Variants in UPF3B observed in about 807,000 individuals in gnomAD.
UPF3B encodes UPF3B regulator of nonsense mediated mRNA decay, also known as regulator of nonsense transcripts 3B.
Under a neutral mutation model 40.3 loss-of-function variants are expected in UPF3B, and 7 were observed. That is an observed-to-expected ratio of 0.17 (90% CI 0.10 to 0.33). The LOEUF (loss-of-function observed/expected upper bound fraction) is 0.33. UPF3B is among the 10% of genes least tolerant of loss of function. The pLI, the probability that UPF3B is intolerant of heterozygous loss-of-function variation, is 1.00. For synonymous variants in UPF3B, 117 were observed against 117.3 expected (o/e 1.00, Z 0.01); for missense variants, 229 against 358.9 (o/e 0.64, Z 2.93).
intron 10 of UPF3B, among the ~76,000 whole-genome samples, chrX:119,836,364 A>AT (rs1369612265): frequency 5.4e-5 from 6 of 111,702 alleles, no homozygotes; most frequent in Admixed American, 9.6e-5. Context: ...CAAAAAATAA[A>AT]TAATTAATTA....
intron 10 of UPF3B, among the ~76,000 whole-genome samples, chrX:119,836,677 G>A (rs1185565374): frequency 8.5e-5 from 9 of 106,094 alleles, no homozygotes; most frequent in African/African-American, 3.1e-4. Flanking sequence ...TTGAGACAGA[G>A]TCTCGCTCTG....
At chrX:119,833,939 TAGA>T, downstream of UPF3B, 1 of 633,087 alleles carries the variant, frequency 1.6e-6, no homozygotes, top group African/African-American at 2.4e-5. Context: ...TAGGCTTCAC[TAGA>T]AGGTGAGTGA....
At chrX:119,851,695 G>A in intron 2 of UPF3B, 72 bp downstream of exon 2, 1 of 944,107 alleles carries the variant, frequency 1.1e-6, no homozygotes, top group South Asian at 2.2e-5. Flanking sequence ...AAAATCAAAT[G>A]AAAAACAGTA....
In UPF3B at chrX:119,837,824, G is replaced by A. The variant is rs780652469; in HGVS notation, c.1235C>T (p.Ser412Leu). Residue 412 changes from serine (S) to leucine (L), a missense_variant, in exon 10 of 11, where the codon TCA becomes TTA. Ser to Leu is a moderately radical substitution (Grantham distance 145). This residue lies in a region of UPF3B where 119 missense variants were observed against 153.8 expected (regional missense o/e 0.77). Coordinates refer to ENST00000276201, the MANE Select transcript of UPF3B (RefSeq NM_080632.3). ...TTCAGTTTTTTCTGAGCTGCCTATT[G>A]ATTCTGTACTTTCAGCCTTCTTTCC... The part of the protein sequence containing the change: ...DKGKKAESTE[S>L]IGSSEKTEKK... 27 of 1,209,891 alleles carry A rather than the reference G, an allele frequency of 2.2e-5. 2 individuals carry two copies. In the Middle Eastern group the frequency reaches 1.9e-3, roughly 84 times the overall value.
At chrX:119,810,506 T>C (rs903458283) in intron 5 of UPF3B, among the ~76,000 whole-genome samples, 2 of 112,135 alleles carry the variant, frequency 1.8e-5, no homozygotes, top group South Asian at 7.3e-4. Context: ...GCAAAGGTCA[T>C]GGAAATAGTT....
downstream of UPF3B, among the ~76,000 whole-genome samples, chrX:119,829,145 C>T (rs948626916): frequency 1.8e-5 from 2 of 112,056 alleles, no homozygotes; most frequent in Admixed American, 1.9e-4. Flanking sequence ...CCTCAGCCTC[C>T]TGAGTAGCTG....
intron 5 of UPF3B, among the ~76,000 whole-genome samples, chrX:119,809,155 C>A (rs745962574): frequency 1.0e-3 from 115 of 110,953 alleles, no homozygotes; most frequent in Non-Finnish European, 2.6e-4. Context: ...TGACAGCAGG[C>A]GAGAGGTGAA....
downstream of UPF3B, among the ~76,000 whole-genome samples, chrX:119,833,686 A>G (rs887299148): frequency 2.7e-5 from 3 of 111,892 alleles, no homozygotes; most frequent in African/African-American, 9.7e-5. Flanking sequence ...TTGTATTTTT[A>G]GTAGAGATGG....
chrX:119,814,568 C>G (rs1603365509), intron 5 of UPF3B, among the ~76,000 whole-genome samples: 1 of 111,757 alleles, frequency 8.9e-6, no homozygotes, highest in Non-Finnish European at 1.9e-5. Flanking sequence ...GACTTCAAAG[C>G]GACTCTGCTC....
intron 5 of UPF3B, among the ~76,000 whole-genome samples, chrX:119,814,865 T>C (rs1217481557): frequency 6.9e-4 from 56 of 80,629 alleles, no homozygotes; most frequent in Non-Finnish European, 7.7e-4. Flanking sequence ...CTTTCTTTTT[T>C]TTTTTTTTTT....
chrX:119,834,149 G>A lies in UPF3B; in HGVS notation c.*729C>T. 1 of 754,892 alleles carries A rather than the reference G, an allele frequency of 1.3e-6. No homozygotes were observed. The highest frequency in any genetic ancestry group is 2.3e-5 in the African/African-American group (1 of 43,829). 62.2% of individuals were successfully genotyped at this position (754,892 alleles called of 1,213,427 possible). A position where few individuals can be genotyped will look rare whatever the true frequency, so the allele number is the denominator to read the frequency against. The stretch of plus-strand genomic sequence containing the variant: ...TGGAGAGGGTATGCACTCAGATCAT[G>A]AGACCTAAGATCAAACACACTGGAT... On this transcript the variant is annotated 3_prime_UTR_variant, in exon 11 of 11. Transcript: ENST00000276201.
chrX:119,845,621 A>G (rs1476096643), intron 3 of UPF3B, among the ~76,000 whole-genome samples: 2 of 112,082 alleles, frequency 1.8e-5, no homozygotes, highest in African/African-American at 3.2e-5. Flanking sequence ...AAAATAGGCA[A>G]ATCTATAGAG....
chrX:119,811,368 C>T (rs776064812), intron 5 of UPF3B, among the ~76,000 whole-genome samples: 7 of 110,060 alleles, frequency 6.4e-5, no homozygotes, highest in Admixed American at 9.6e-5. Flanking sequence ...AATCCATGGC[C>T]GGGTGCGGTG....
At chrX:119,836,317 T>C (rs766544471) in intron 10 of UPF3B, among the ~76,000 whole-genome samples, 87 of 110,542 alleles carry the variant, frequency 7.9e-4, no homozygotes, top group Non-Finnish European at 1.4e-3. Context: ...ATCATGCCAC[T>C]GCACTCCAGC....
At chrX:119,807,517 T>A in exon 6 of UPF3B, 1 of 870,415 alleles carries the variant, frequency 1.1e-6, no homozygotes, top group Non-Finnish European at 1.4e-6. Context: ...GGTGCTGCCA[T>A]CTTGCCACCA....
intron 8 of UPF3B, among the ~76,000 whole-genome samples, chrX:119,839,012 C>A (rs2056132610): frequency 9.0e-6 from 1 of 111,686 alleles, no homozygotes; most frequent in Non-Finnish European, 1.9e-5. Context: ...TCTGGGCTCA[C>A]ACCATCCTTC....
Position 119,834,737 on chromosome X carries a change from GACTT to G in UPF3B, c.*137_*140del. The G allele has an allele frequency of 8.5e-7, 1 of 1,174,556 alleles. No homozygotes were observed. The highest frequency in any genetic ancestry group is 1.1e-6 in the Non-Finnish European group (1 of 879,651). Reference sequence around the variant, plus strand: ...TGATCAGATTCCTGCTTTGACACAAGACTTACTCCTCTGCAGTGTACCCCACCAG... The same window carrying G: ...TGATCAGATTCCTGCTTTGACACAAGACTCCTCTGCAGTGTACCCCACCAG... On this transcript the variant is annotated 3_prime_UTR_variant, in exon 11 of 11. Coordinates refer to ENST00000276201, the MANE Select transcript of UPF3B (RefSeq NM_080632.3).
intron 4 of UPF3B, among the ~76,000 whole-genome samples, chrX:119,817,545 C>T (rs764076546): frequency 2.7e-5 from 3 of 111,851 alleles, no homozygotes; most frequent in Non-Finnish European, 5.6e-5. Flanking sequence ...GATTTGGGTG[C>T]GGGAACAGAG....
chrX:119,845,646 A>T (rs2056219140), intron 3 of UPF3B, among the ~76,000 whole-genome samples: 1 of 111,522 alleles, frequency 9.0e-6, no homozygotes, highest in Admixed American at 9.5e-5. Context: ...AACGTAGAGT[A>T]GTAGCTGCCT....
Sources: allele counts gnomAD v4.1 joint callset (sites outside exome capture counted in the v4.1 genomes callset), GRCh38; gene constraint gnomAD v4.1.1; regional missense constraint gnomAD v4.1.1; transcripts MANE v1.5; gene names NCBI Gene and HGNC (gene_info 2026-07-23, HGNC 2026-07-21).